Variants in DCLRE1C observed in about 807,000 individuals in gnomAD.
DCLRE1C encodes protein artemis.
In DCLRE1C, 47 loss-of-function variants were observed where a neutral mutation model predicts 61.4. The ratio of observed to expected loss-of-function variants is 0.77; its 90% CI spans 0.61 to 0.98. The LOEUF is 0.98. DCLRE1C is among the 50% of genes least tolerant of loss of function. The pLI is 0.00. For missense variants in DCLRE1C, 858 were observed against 816.0 expected, an observed-to-expected ratio of 1.05 and a Z score of -0.63; for synonymous variants, 337 against 287.6, an observed-to-expected ratio of 1.17 and a Z score of -1.74.
intron 13 of DCLRE1C, among the ~76,000 whole-genome samples, chr10:14,910,627 A>G (rs1226986552): frequency 3.3e-5 from 5 of 152,134 alleles, no homozygotes; most frequent in Non-Finnish European, 5.9e-5. Context: ...TTTTTGTATG[A>G]TCTCTAAGTT....
intron 2 of DCLRE1C, among the ~76,000 whole-genome samples, chr10:14,947,952 C>T (rs7913963): frequency 4.6e-5 from 7 of 152,042 alleles, no homozygotes; most frequent in African/African-American, 7.2e-5. Flanking sequence ...CCAGCTACTC[C>T]GGTGGCTGAG....
downstream of DCLRE1C, chr10:14,901,373 G>C: frequency 7.1e-7 from 1 of 1,410,770 alleles, no homozygotes; most frequent in Non-Finnish European, 9.7e-7. Context: ...AAGATGAAAA[G>C]TTGAGGCACT....
chr10:14,953,725 C>A (rs1440118074), intron 1 of DCLRE1C, among the ~76,000 whole-genome samples, 177 bp downstream of exon 1: 1 of 152,180 alleles, frequency 6.6e-6, no homozygotes, highest in Non-Finnish European at 1.5e-5. Flanking sequence ...TTGACCACAT[C>A]CGAAAATAGA....
At chr10:14,897,360 C>T (rs1833662632) in exon 14 of DCLRE1C, 1 of 1,612,926 alleles carries the variant, frequency 6.2e-7, no homozygotes, top group African/African-American at 1.3e-5. Context: ...GAATGCAACT[C>T]AAGGTGTCAG....
chr10:14,919,966 C>A, intron 12 of DCLRE1C, 134 bp from the exon 13 acceptor site: 1 of 732,724 alleles, frequency 1.4e-6, no homozygotes, highest in South Asian at 1.5e-5. Context: ...AAATCTTGAC[C>A]ATAAGGGAAA....
chr10:14,938,786 A>C (rs1409965572), intron 4 of DCLRE1C, among the ~76,000 whole-genome samples: 2 of 152,214 alleles, frequency 1.3e-5, no homozygotes, highest in Admixed American at 1.3e-4. Context: ...TTAAATTCTG[A>C]GCATTATAAA....
In DCLRE1C at chr10:14,945,176, G is replaced by A. The variant is rs1392115402; in HGVS notation, c.175C>T (p.Leu59=). 1.2e-6 allele frequency: 2 copies of A among 1,612,648 alleles called. No homozygotes were observed. Among genetic ancestry groups the A allele is most frequent in the South Asian group, 1.1e-5 (1 of 90,782 alleles). Residue 59 remains leucine, a synonymous_variant, in exon 3 of 14, where the codon CTA becomes TTA. Coordinates refer to ENST00000378278, the MANE Select transcript of DCLRE1C (RefSeq NM_001033855.3). ...TCCTTAGTCACAGGTGAACAGTATA[G>A]ATAAACCTTCAAGCTGAAAGGAAAA... ...RRLECSLKVY[L]YCSPVTKELL... is the part of the protein sequence containing the mutation.
At chr10:14,900,544 C>T (rs904582224), downstream of DCLRE1C, among the ~76,000 whole-genome samples, 1 of 152,164 alleles carries the variant, frequency 6.6e-6, no homozygotes, top group South Asian at 2.1e-4. Flanking sequence ...GAGATACTCT[C>T]AAAATAGAGA....
At chr10:14,953,628 G>A (rs1842776505) in intron 1 of DCLRE1C, among the ~76,000 whole-genome samples, 2 of 152,134 alleles carry the variant, frequency 1.3e-5, no homozygotes, top group South Asian at 4.1e-4. Flanking sequence ...CTGATCATCG[G>A]CCACCAGCAA....
chr10:14,917,431 A>C (rs1836373681), intron 13 of DCLRE1C, among the ~76,000 whole-genome samples: 1 of 151,220 alleles, frequency 6.6e-6, no homozygotes, highest in Admixed American at 6.6e-5. Flanking sequence ...TGCTAAAAAG[A>C]TTGAAAAGAT....
chr10:14,943,588 T>A (rs1201624354), intron 3 of DCLRE1C, among the ~76,000 whole-genome samples: 1 of 152,236 alleles, frequency 6.6e-6, no homozygotes, highest in Non-Finnish European at 1.5e-5. Flanking sequence ...AGTCTCGCTC[T>A]GTCACCCAGG....
chr10:14,915,257 C>T lies in DCLRE1C; in HGVS notation c.1156+4481G>A, dbSNP rs771748502. On this transcript the variant is annotated intron_variant, in intron 13 of 13. Transcript: ENST00000378278. ...TAAAAATGAAAAGCAAATAAAATTC[C>T]AAGTAAGCAGATAAAGATCAGAGTG... 8.6e-5 allele frequency among the ~76,000 whole-genome samples: 13 copies of T among 151,842 alleles called. 1 individual carries two copies. Among genetic ancestry groups the T allele is most frequent in the Middle Eastern group, 6.8e-3 (2 of 294 alleles).
rs1368427429 is a variant in DCLRE1C at position 14,945,962 on chromosome 10, C to CT, written c.162-774dup. 7.8e-3 allele frequency among the ~76,000 whole-genome samples: 738 copies of CT among 94,644 alleles called. 2 individuals are homozygous for CT. Among genetic ancestry groups the CT allele is most frequent in the Middle Eastern group, 0.021 (2 of 94 alleles). 62.1% of individuals were successfully genotyped at this position (94,644 alleles called of 152,430 possible). On this transcript the variant is annotated intron_variant, in intron 2 of 13. Coordinates refer to ENST00000378278, the MANE Select transcript of DCLRE1C (RefSeq NM_001033855.3). The stretch of plus-strand genomic sequence containing the variant: ...CGAGAGCCACTGCGCCCGGCCTATT[C>CT]TTTTTTTTTTTTTTTAATGAACAGA...
At chr10:14,943,240 A>G (rs1841162172) in intron 3 of DCLRE1C, among the ~76,000 whole-genome samples, 1 of 152,182 alleles carries the variant, frequency 6.6e-6, no homozygotes, top group African/African-American at 2.4e-5. Context: ...CTGTTAAGTC[A>G]TTGTGGTTCT....
At position 14,909,180 on chromosome 10, in the gene DCLRE1C, C is replaced by G; in HGVS notation, c.1307G>C (p.Cys436Ser). The G allele has an allele frequency of 6.2e-7, 1 of 1,614,192 alleles. No homozygotes were observed. The highest frequency in any genetic ancestry group is 8.5e-7 in the Non-Finnish European group (1 of 1,180,020). Residue 436 changes from cysteine (C) to serine (S), a missense_variant, in exon 14 of 14, where the codon TGC (cysteine) becomes TCC (serine). Transcript: ENST00000378278. ...PEKLRQTPGC[C>S]RAECMQSSRF... ...AGAGCTCTGCATACACTCTGCTCTG[C>G]AGCATCCTGGGGTTTGTCTCAGTTT...
At chr10:14,952,976 C>T (rs1241378203) in intron 1 of DCLRE1C, among the ~76,000 whole-genome samples, 1 of 152,318 alleles carries the variant, frequency 6.6e-6, no homozygotes, top group South Asian at 2.1e-4. Context: ...CTTTAAAATA[C>T]TTTCCTACTG....
chr10:14,942,169 G>A (rs1170556885), intron 3 of DCLRE1C: 1 of 152,302 alleles, frequency 6.6e-6, no homozygotes, highest in Non-Finnish European at 1.5e-5. Flanking sequence ...GCTTCTGCTG[G>A]GTGCCCGTGT....
At chr10:14,949,513 A>C (rs1284664259) in intron 1 of DCLRE1C, among the ~76,000 whole-genome samples, 1 of 152,220 alleles carries the variant, frequency 6.6e-6, no homozygotes, top group Non-Finnish European at 1.5e-5. Flanking sequence ...GTCTGCTGGG[A>C]AATCACTCAG....
rs1838353075 is a variant in DCLRE1C at position 14,928,240 on chromosome 10, T to C, written c.781-88A>G. On this transcript the variant is annotated intron_variant, in intron 9 of 13. Coordinates refer to ENST00000378278, the MANE Select transcript of DCLRE1C (RefSeq NM_001033855.3). ...AGTCTCAAAAACAAAAGTAGAAAAG[T>C]TTCCAGACACGAAAAAATAAAAAAT... is the stretch of plus-strand genomic sequence containing the variant. The C allele has an allele frequency of 1.2e-5, 14 of 1,198,634 alleles. No individual in the cohort carries two copies. The East Asian group carries it at 3.4e-4, about 29-fold the overall frequency. 74.2% of individuals were successfully genotyped at this position (1,198,634 alleles called of 1,614,324 possible). A position where few individuals can be genotyped will look rare whatever the true frequency, so the allele number is the denominator to read the frequency against.
Sources: gnomAD v4.1 joint callset for allele counts (sites outside exome capture counted in the v4.1 genomes callset) on GRCh38, gnomAD v4.1.1 for gene constraint, MANE v1.5 for transcripts, NCBI Gene and HGNC (gene_info 2026-07-23, HGNC 2026-07-21) for gene names.